EPHA5: variants seen among roughly 807,000 people sequenced by gnomAD.
EPHA5 encodes the protein EPH receptor A5, also known as ephrin type-A receptor 5.
Under a neutral mutation model 105.0 loss-of-function variants are expected in EPHA5, and 60 were observed. That is an observed-to-expected ratio of 0.57 (90% confidence interval 0.46 to 0.71). EPHA5 has a LOEUF of 0.71. Among genes scored for constraint, EPHA5 ranks in the 30% least tolerant of loss-of-function variants. EPHA5 has a pLI of 0.00. For synonymous variants in EPHA5, 513 were observed against 449.1 expected (o/e 1.14, Z -1.80); for missense variants, 1,218 against 1,274.7 (o/e 0.96, Z 0.68).
intron 3 of EPHA5, among the ~76,000 whole-genome samples, chr4:65,525,988 AAC>A (rs369904562): frequency 2.6e-3 from 394 of 151,800 alleles, no homozygotes; most frequent in African/African-American, 8.9e-3. Context: ...CTCTCTGAAT[AAC>A]AGTTTCCTTG....
chr4:65,358,165 A>G lies in EPHA5; in HGVS notation c.2174-5062T>C, dbSNP rs546096362. ...CACATTAAATTTTGTGAAACACTAA[A>G]CTAGGCCACATCACAAGAGTTGCTG... On this transcript the variant is annotated intron_variant, in intron 11 of 16. Transcript: ENST00000613740. Among the ~76,000 whole-genome samples, 12 of 151,652 alleles carry G rather than the reference A, an allele frequency of 7.9e-5. No homozygotes were observed. In the South Asian group the frequency reaches 2.5e-3, roughly 31 times the overall value.
intron 2 of EPHA5, among the ~76,000 whole-genome samples, chr4:65,626,040 G>T (rs1050321974): frequency 6.7e-6 from 1 of 149,958 alleles, no homozygotes; most frequent in Non-Finnish European, 1.5e-5. Flanking sequence ...GGCGGAGCTT[G>T]CAGTGAGCCG....
chr4:65,576,321 A>T (rs1350863963), intron 3 of EPHA5, among the ~76,000 whole-genome samples: 2 of 152,282 alleles, frequency 1.3e-5, no homozygotes, highest in East Asian at 3.9e-4. Context: ...TAATAATTAA[A>T]CAAGCTCAAG....
rs953595989 is a variant in EPHA5 at position 65,539,417 on chromosome 4, G to A, written c.911-43874C>T. Among the ~76,000 whole-genome samples, 7 of 151,786 alleles carry A rather than the reference G, an allele frequency of 4.6e-5. No individual in the cohort carries two copies. The South Asian group carries it at 6.2e-4, about 13-fold the overall frequency. On this transcript the variant is annotated intron_variant, in intron 3 of 16. Coordinates refer to ENST00000613740, the MANE Select transcript of EPHA5 (RefSeq NM_001281766.3). ...TGTGTCAGCATAAACAAGAAAGAATGTCTAGGTGTGACAAAATGATCCTTC... is the reference window on the plus strand; with the variant it reads ...TGTGTCAGCATAAACAAGAAAGAATATCTAGGTGTGACAAAATGATCCTTC...
intron 8 of EPHA5, among the ~76,000 whole-genome samples, chr4:65,368,905 T>A (rs960803291): frequency 2.0e-5 from 3 of 152,186 alleles, no homozygotes; most frequent in Admixed American, 1.3e-4. Flanking sequence ...AATTTCCAAC[T>A]GTCAAAGTTC....
chr4:65,426,514 G>A lies in EPHA5; in HGVS notation c.1403-5949C>T, dbSNP rs115635094. Among the ~76,000 whole-genome samples, 604 of 152,134 alleles carry A rather than the reference G, an allele frequency of 4.0e-3. 4 individuals carry two copies. Among genetic ancestry groups the A allele is most frequent in the African/African-American group, 0.014 (570 of 41,494 alleles). ...CTTGTGTATTGTCTTATATTCTACA[G>A]GAATATAGCTTCCATGATGGGAGGT... On this transcript the variant is annotated intron_variant, in intron 5 of 16. Coordinates refer to ENST00000613740, the MANE Select transcript of EPHA5 (RefSeq NM_001281766.3).
chr4:65,366,633 T>A (rs1031254525), intron 9 of EPHA5, among the ~76,000 whole-genome samples: 9 of 151,850 alleles, frequency 5.9e-5, no homozygotes, highest in Non-Finnish European at 1.2e-4. Flanking sequence ...CCTCATCAAG[T>A]TTTTTGGGAA....
chr4:65,465,550 G>GA, intron 5 of EPHA5, among the ~76,000 whole-genome samples: 1 of 58,900 alleles, frequency 1.7e-5, no homozygotes, highest in African/African-American at 5.4e-5. Flanking sequence ...AGGAAGGAAA[G>GA]GAAGGAAAGG....
chr4:65,573,456 A>C, intron 3 of EPHA5: 13 of 1,325,868 alleles, frequency 9.8e-6, no homozygotes, highest in Non-Finnish European at 1.3e-5. Flanking sequence ...CCCATCTTGC[A>C]AGATGGCGGG....
chr4:65,419,593 A>G (rs2149034162), intron 6 of EPHA5, among the ~76,000 whole-genome samples: 1 of 152,280 alleles, frequency 6.6e-6, no homozygotes, highest in African/African-American at 2.4e-5. Context: ...ATCTATCTTT[A>G]GCTCCTCTTT....
Position 65,492,696 on chromosome 4 carries a change from A to G in EPHA5, c.1067-1984T>C, listed in dbSNP as rs1055530885. Among the ~76,000 whole-genome samples the G allele has an allele frequency of 3.3e-5, 5 of 152,134 alleles. No individual in the cohort carries two copies. The East Asian group carries it at 7.7e-4, about 23-fold the overall frequency. ...AATATCCAGTCTATCAATGATGGGCATTTGGATTGTATTTGCTTTGCTTTA... is the reference window on the plus strand; with the variant it reads ...AATATCCAGTCTATCAATGATGGGCGTTTGGATTGTATTTGCTTTGCTTTA... On this transcript the variant is annotated intron_variant, in intron 4 of 16. Transcript: ENST00000613740.
chr4:65,354,231 T>C (rs373637656), intron 11 of EPHA5, among the ~76,000 whole-genome samples: 5 of 151,846 alleles, frequency 3.3e-5, no homozygotes, highest in African/African-American at 1.2e-4. Context: ...AAAATACATT[T>C]GATCAACTTT....
intron 5 of EPHA5, among the ~76,000 whole-genome samples, chr4:65,458,073 C>CAAA (rs10565968): frequency 2.9e-4 from 21 of 72,570 alleles, no homozygotes; most frequent in Admixed American, 6.3e-4. Context: ...CACTCCATCC[C>CAAA]AAAAAAAAAA....
At chr4:65,497,522 A>G (rs1392022119) in intron 3 of EPHA5, among the ~76,000 whole-genome samples, 1 of 152,074 alleles carries the variant, frequency 6.6e-6, no homozygotes, top group Non-Finnish European at 1.5e-5. Flanking sequence ...TAGGATTGCT[A>G]TAGCAGCTTA....
chr4:65,551,158 A>AT (rs1343929584), intron 3 of EPHA5, among the ~76,000 whole-genome samples: 1 of 128,444 alleles, frequency 7.8e-6, no homozygotes, highest in Non-Finnish European at 1.6e-5. Flanking sequence ...CATATCATTT[A>AT]TTATCCAAAC....
intron 11 of EPHA5, among the ~76,000 whole-genome samples, chr4:65,354,774 C>T (rs1461753628): frequency 2.0e-5 from 3 of 151,546 alleles, no homozygotes; most frequent in South Asian, 2.1e-4. Context: ...AAAGAAATAA[C>T]TGGGAAGAAA....
chr4:65,531,502 A>G (rs147488731), intron 3 of EPHA5, among the ~76,000 whole-genome samples: 1 of 144,210 alleles, frequency 6.9e-6, no homozygotes, highest in Non-Finnish European at 1.6e-5. Flanking sequence ...GATCATAAAG[A>G]GGATATACTG....
At chr4:65,435,122 C>G (rs1405155938) in intron 5 of EPHA5, among the ~76,000 whole-genome samples, 9 of 152,154 alleles carry the variant, frequency 5.9e-5, no homozygotes, top group African/African-American at 2.2e-4. Flanking sequence ...CCTATATTAT[C>G]CACATTTTAA....
intron 5 of EPHA5, among the ~76,000 whole-genome samples, chr4:65,476,272 A>G (rs1729810264): frequency 6.6e-6 from 1 of 152,092 alleles, no homozygotes; most frequent in Non-Finnish European, 1.5e-5. Context: ...TAAAACCACT[A>G]AAGATTGAAA....
Sources: allele counts gnomAD v4.1 joint callset (sites outside exome capture counted in the v4.1 genomes callset), GRCh38; gene constraint gnomAD v4.1.1; transcripts MANE v1.5; gene names NCBI Gene and HGNC (gene_info 2026-07-23, HGNC 2026-07-21).